Variants in INPP5B observed in about 807,000 individuals in gnomAD.
INPP5B encodes type II inositol 1,4,5-trisphosphate 5-phosphatase.
In INPP5B, 90 loss-of-function variants were observed where a neutral mutation model predicts 118.5. That is an observed-to-expected ratio of 0.76 (90% CI 0.64 to 0.90). The LOEUF is 0.90. Ranked by LOEUF, INPP5B falls within the 40% of genes least tolerant of loss-of-function variation. INPP5B has a pLI of 0.00. For missense variants in INPP5B, 984 were observed against 1,125.6 expected, an observed-to-expected ratio of 0.87 and a Z score of 1.80; for synonymous variants, 385 against 418.9, an observed-to-expected ratio of 0.92 and a Z score of 0.99.
At chr1:37,916,977 A>C (rs1644886584) in intron 7 of INPP5B, among the ~76,000 whole-genome samples, 1 of 151,508 alleles carries the variant, frequency 6.6e-6, no homozygotes, top group Non-Finnish European at 1.5e-5. Context: ...TGTGTTGTCC[A>C]ATATATATTG....
chr1:37,930,354 A>G (rs1645405006), intron 7 of INPP5B: 1 of 152,252 alleles, frequency 6.6e-6, no homozygotes, highest in Non-Finnish European at 1.5e-5. Flanking sequence ...CGGGGCAGCT[A>G]ACTGGCTTCA....
chr1:37,902,493 G>C (rs1043238762), intron 7 of INPP5B, among the ~76,000 whole-genome samples: 5 of 152,250 alleles, frequency 3.3e-5, no homozygotes, highest in African/African-American at 9.6e-5. Flanking sequence ...GCTTTGAGAA[G>C]CTGAGGCAGG....
intron 7 of INPP5B, among the ~76,000 whole-genome samples, chr1:37,900,357 C>T (rs1322990609): frequency 6.6e-6 from 1 of 151,706 alleles, no homozygotes; most frequent in Non-Finnish European, 1.5e-5. Context: ...AAGGTTCAAG[C>T]GATTCTCCTG....
chr1:37,927,788 T>C (rs1372829418), intron 7 of INPP5B, among the ~76,000 whole-genome samples: 5 of 152,030 alleles, frequency 3.3e-5, no homozygotes, highest in East Asian at 1.9e-4. Flanking sequence ...CCGCCCTCCT[T>C]GGCCTCCCAA....
intron 7 of INPP5B, among the ~76,000 whole-genome samples, chr1:37,927,492 G>A (rs960999105): frequency 1.3e-5 from 2 of 151,880 alleles, no homozygotes; most frequent in African/African-American, 2.4e-5. Context: ...ACCTGAAGAC[G>A]TGGATTCCAG....
At chr1:37,916,410 CATTT>C (rs1410855781) in intron 7 of INPP5B, among the ~76,000 whole-genome samples, 8 of 147,296 alleles carry the variant, frequency 5.4e-5, no homozygotes, top group Non-Finnish European at 9.0e-5. Context: ...CTTTTTCTTT[CATTT>C]TTTTTTTTTT....
intron 7 of INPP5B, among the ~76,000 whole-genome samples, chr1:37,909,690 C>T (rs1329112856): frequency 6.6e-6 from 1 of 152,150 alleles, no homozygotes; most frequent in Non-Finnish European, 1.5e-5. Context: ...CATTTTATTA[C>T]CCAACCCACT....
chr1:37,913,999 G>A (rs111575263), intron 7 of INPP5B, among the ~76,000 whole-genome samples: 1,976 of 150,898 alleles, frequency 0.013, 45 homozygotes, highest in African/African-American at 0.046. Flanking sequence ...TATTCTCCCC[G>A]CCCTTGAGAA....
At chr1:37,888,958 A>G (rs1420777565) in intron 9 of INPP5B, among the ~76,000 whole-genome samples, 1 of 152,256 alleles carries the variant, frequency 6.6e-6, no homozygotes, top group Non-Finnish European at 1.5e-5. Context: ...GGAGGGATAC[A>G]TAAGAATCAA....
chr1:37,889,480 A>G (rs1301567287), intron 9 of INPP5B, 77 bp downstream of exon 9: 10 of 1,099,218 alleles, frequency 9.1e-6, no homozygotes, highest in African/African-American at 1.6e-5. Flanking sequence ...AAATCCAGGT[A>G]TAGGAGGAAG....
In INPP5B at chr1:37,887,022, GGCATTAAATA is replaced by G; in HGVS notation, c.1015-28_1015-19del. The G allele has an allele frequency of 1.2e-6, 2 of 1,600,354 alleles. No individual in the cohort carries two copies. The highest frequency in any genetic ancestry group is 1.7e-6 in the Non-Finnish European group (2 of 1,168,254). On this transcript the variant is annotated intron_variant, in intron 11 of 23. Transcript: ENST00000373024. ...AGCTTCACCTGGAAAAGAGAGACATGGCATTAAATAGAAATTGCAAACAGGAATAAATACC... is the reference window on the plus strand; with the variant it reads ...AGCTTCACCTGGAAAAGAGAGACATGGAAATTGCAAACAGGAATAAATACC...
chr1:37,885,901 C>A, intron 12 of INPP5B, 76 bp from the exon 13 acceptor site: 1 of 1,396,622 alleles, frequency 7.2e-7, no homozygotes, highest in Non-Finnish European at 1.0e-6. Context: ...ACTTTCTGGC[C>A]GGGCACGGTG....
chr1:37,886,994 A>C lies in INPP5B; in HGVS notation c.1025T>G (p.Ile342Ser), dbSNP rs769653418. 14 of 1,613,854 alleles carry C rather than the reference A, an allele frequency of 8.7e-6. No homozygotes were observed. Among genetic ancestry groups the C allele is most frequent in the Non-Finnish European group, 1.1e-5 (13 of 1,179,852 alleles). Reference protein sequence around the residue: ...PDAKYAKVKLIRLVGIMLLLY... With the variant: ...PDAKYAKVKLSRLVGIMLLLY... ...CAGCAGCATAATCCCAACCAGTCGG[A>C]TAAGCTTCACCTGGAAAAGAGAGAC... The change falls in exon 12 of 24, where the codon ATC becomes AGC. Residue 342 changes from isoleucine (I) to serine (S), a missense_variant. Transcript: ENST00000373024.
At chr1:37,930,133 T>C (rs1271672896) in intron 7 of INPP5B, 2 of 152,178 alleles carry the variant, frequency 1.3e-5, no homozygotes, top group Non-Finnish European at 2.9e-5. Flanking sequence ...TCAATCATAG[T>C]GCACATCACC....
chr1:37,939,225 A>C (rs1475918435), intron 6 of INPP5B, among the ~76,000 whole-genome samples: 4 of 141,614 alleles, frequency 2.8e-5, no homozygotes, highest in Admixed American at 7.0e-5. Flanking sequence ...TCAGCTAGGC[A>C]TGGTGGTGGG....
chr1:37,929,685 A>G (rs1018375884), intron 7 of INPP5B: 1 of 152,134 alleles, frequency 6.6e-6, no homozygotes, highest in African/African-American at 2.4e-5. Context: ...AGCAGGAGCA[A>G]CTTAGCAATT....
intron 7 of INPP5B, among the ~76,000 whole-genome samples, chr1:37,897,293 G>A (rs868390595): frequency 4.0e-5 from 6 of 148,176 alleles, no homozygotes; most frequent in African/African-American, 1.2e-4. Context: ...GAATAGAAAG[G>A]GGGGGAAGGT....
At chr1:37,931,817 T>G (rs755820531) in intron 7 of INPP5B, 96 bp downstream of exon 7, 4 of 1,608,738 alleles carry the variant, frequency 2.5e-6, no homozygotes, top group Non-Finnish European at 3.4e-6. Context: ...CGAAAGCCTG[T>G]CTTCTCCATC....
chr1:37,887,056 C>T (rs975096337), intron 11 of INPP5B, 52 bp from the exon 12 acceptor site: 2 of 1,448,970 alleles, frequency 1.4e-6, no homozygotes, highest in Non-Finnish European at 1.9e-6. Context: ...GGAATAAATA[C>T]CCCAAAGGAA....
Sources: gnomAD v4.1 joint callset for allele counts (sites outside exome capture counted in the v4.1 genomes callset) on GRCh38, gnomAD v4.1.1 for gene constraint, MANE v1.5 for transcripts, NCBI Gene and HGNC (gene_info 2026-07-23, HGNC 2026-07-21) for gene names.